The following KCNIP4 variants were observed in gnomAD, a reference collection of about 807,000 sequenced individuals.
The protein encoded by KCNIP4 is potassium voltage-gated channel interacting protein 4.
Under a neutral mutation model 34.0 loss-of-function variants are expected in KCNIP4, and 12 were observed. That is an observed-to-expected ratio of 0.35 (90% CI 0.23 to 0.57). The LOEUF (loss-of-function observed/expected upper bound fraction) is 0.57. Among genes scored for constraint, KCNIP4 ranks in the 20% least tolerant of loss-of-function variants. KCNIP4 has a pLI of 0.83. For missense variants in KCNIP4, 238 were observed against 311.7 expected (o/e 0.76, Z 1.78); for synonymous variants, 124 against 102.2 (o/e 1.21, Z -1.29).
chr4:21,655,997 T>C (rs1295824511), intron 1 of KCNIP4, among the ~76,000 whole-genome samples: 1 of 152,198 alleles, frequency 6.6e-6, no homozygotes, highest in Non-Finnish European at 1.5e-5. Context: ...TCTGTATTAG[T>C]TTGCTAGTGC....
intron 1 of KCNIP4, among the ~76,000 whole-genome samples, chr4:21,247,332 G>A (rs1032250619): frequency 6.6e-6 from 1 of 151,862 alleles, no homozygotes; most frequent in African/African-American, 2.4e-5. Context: ...ACTAGATACT[G>A]GGCAAGGTGT....
At chr4:21,535,521 C>G (rs1023375693) in intron 1 of KCNIP4, among the ~76,000 whole-genome samples, 1 of 152,052 alleles carries the variant, frequency 6.6e-6, no homozygotes, top group African/African-American at 2.4e-5. Flanking sequence ...GCCAAACTCT[C>G]CCTTCTGTAA....
intron 1 of KCNIP4, among the ~76,000 whole-genome samples, chr4:21,839,736 C>T (rs147934212): frequency 0.063 from 9,346 of 148,896 alleles, 846 homozygotes; most frequent in East Asian, 0.32. Flanking sequence ...GCCTGGGCAA[C>T]AAGAGCAAAA....
At chr4:21,492,364 A>G (rs1164790975) in intron 1 of KCNIP4, among the ~76,000 whole-genome samples, 1 of 152,098 alleles carries the variant, frequency 6.6e-6, no homozygotes, top group Non-Finnish European at 1.5e-5. Context: ...GACTACAGAC[A>G]TGTATCACCA....
chr4:21,059,180 C>T (rs1468124636), intron 1 of KCNIP4, among the ~76,000 whole-genome samples: 1 of 152,104 alleles, frequency 6.6e-6, no homozygotes, highest in Non-Finnish European at 1.5e-5. Context: ...AGCAAAGTTA[C>T]ACAAGATAAC....
intron 1 of KCNIP4, among the ~76,000 whole-genome samples, chr4:21,570,004 T>C (rs771386372): frequency 1.3e-5 from 2 of 151,960 alleles, no homozygotes; most frequent in Non-Finnish European, 2.9e-5. Flanking sequence ...TAAAGTGACA[T>C]CAGGGCTAGA....
At chr4:20,885,267 G>A (rs527879242) in intron 1 of KCNIP4, among the ~76,000 whole-genome samples, 9 of 151,410 alleles carry the variant, frequency 5.9e-5, no homozygotes, top group African/African-American at 1.7e-4. Flanking sequence ...ATTACCAGCC[G>A]TTATTCTCGA....
At chr4:21,352,036 A>G (rs1373426402) in intron 1 of KCNIP4, among the ~76,000 whole-genome samples, 1 of 152,146 alleles carries the variant, frequency 6.6e-6, no homozygotes, top group Non-Finnish European at 1.5e-5. Context: ...TGGTTGAATA[A>G]TTGATAAACT....
chr4:21,855,143 G>T (rs1724670618), intron 1 of KCNIP4, among the ~76,000 whole-genome samples: 1 of 152,174 alleles, frequency 6.6e-6, no homozygotes, highest in African/African-American at 2.4e-5. Context: ...GAGTTCAATG[G>T]AGAGCCGTCT....
At chr4:21,310,830 A>T (rs948199156) in intron 1 of KCNIP4, among the ~76,000 whole-genome samples, 1 of 151,822 alleles carries the variant, frequency 6.6e-6, no homozygotes, top group African/African-American at 2.4e-5. Flanking sequence ...GGGTTTCACC[A>T]TGTTAGCCAG....
chr4:20,794,982 T>C (rs1021942156), intron 3 of KCNIP4, among the ~76,000 whole-genome samples: 30 of 152,248 alleles, frequency 2.0e-4, no homozygotes, highest in Non-Finnish European at 8.8e-5. Flanking sequence ...TTGTAACTAC[T>C]TGAAAATCCC....
At position 21,904,834 on chromosome 4, in the gene KCNIP4, C is replaced by T. The variant is rs557956956; in HGVS notation, c.61+43737G>A. ...TAAGTAGCTCCATCCCAAGTCACAACAACCATAAACATCTCCAGACATTGC... is the reference window on the plus strand; with the variant it reads ...TAAGTAGCTCCATCCCAAGTCACAATAACCATAAACATCTCCAGACATTGC... On this transcript the variant is annotated intron_variant, in intron 1 of 8. Coordinates refer to ENST00000382152, the MANE Select transcript of KCNIP4 (RefSeq NM_025221.6). Among the ~76,000 whole-genome samples, 181 of 152,290 alleles carry T rather than the reference C, an allele frequency of 1.2e-3. 1 individual carries two copies. Among genetic ancestry groups the T allele is most frequent in the African/African-American group, 4.1e-3 (170 of 41,562 alleles).
intron 1 of KCNIP4, among the ~76,000 whole-genome samples, chr4:20,971,116 A>G (rs999727113): frequency 1.3e-5 from 2 of 152,208 alleles, no homozygotes; most frequent in African/African-American, 4.8e-5. Flanking sequence ...TACTTCAAAG[A>G]AAGGCATGAA....
chr4:21,631,347 T>C (rs1297232271), intron 1 of KCNIP4, among the ~76,000 whole-genome samples: 1 of 152,198 alleles, frequency 6.6e-6, no homozygotes, highest in East Asian at 1.9e-4. Flanking sequence ...TTCCATTTAT[T>C]CAAATAGTAA....
chr4:21,239,936 G>T (rs1005150290), intron 1 of KCNIP4, among the ~76,000 whole-genome samples: 4 of 152,050 alleles, frequency 2.6e-5, no homozygotes, highest in Non-Finnish European at 5.9e-5. Context: ...TATGTTTATT[G>T]CAGCACTATT....
At chr4:21,221,911 T>C (rs942671105) in intron 1 of KCNIP4, among the ~76,000 whole-genome samples, 1 of 152,220 alleles carries the variant, frequency 6.6e-6, no homozygotes, top group Admixed American at 6.5e-5. Context: ...TTTTTCCTGT[T>C]CCTGTTCTTT....
intron 1 of KCNIP4, among the ~76,000 whole-genome samples, chr4:21,775,120 G>A (rs917094192): frequency 1.3e-5 from 2 of 152,172 alleles, no homozygotes; most frequent in Non-Finnish European, 2.9e-5. Context: ...CTGACCCTTG[G>A]ACAGGGTTTT....
intron 1 of KCNIP4, among the ~76,000 whole-genome samples, chr4:21,700,089 A>G (rs780368013): frequency 1.1e-4 from 16 of 152,346 alleles, no homozygotes; most frequent in Non-Finnish European, 1.5e-4. Flanking sequence ...AAATTTAATG[A>G]GTTGATGACA....
intron 1 of KCNIP4, among the ~76,000 whole-genome samples, chr4:20,996,205 T>C (rs1206307107): frequency 2.0e-5 from 3 of 152,228 alleles, no homozygotes; most frequent in Non-Finnish European, 4.4e-5. Context: ...AACATAGCCG[T>C]AGGCCCAAGC....
Sources: gnomAD v4.1 joint callset for allele counts (sites outside exome capture counted in the v4.1 genomes callset) on GRCh38, gnomAD v4.1.1 for gene constraint, MANE v1.5 for transcripts, NCBI Gene and HGNC (gene_info 2026-07-23, HGNC 2026-07-21) for gene names.